GRID2: variants seen among roughly 807,000 people sequenced by gnomAD.
The protein encoded by GRID2 is glutamate receptor ionotropic, delta-2.
GRID2 carries 33 observed loss-of-function variants against 114.8 expected under a neutral mutation model. The ratio of observed to expected loss-of-function variants is 0.29; its 90% confidence interval spans 0.22 to 0.38. The LOEUF (loss-of-function observed/expected upper bound fraction) is 0.38. Among genes scored for constraint, GRID2 ranks in the 10% least tolerant of loss-of-function variants. The pLI, the probability that GRID2 is intolerant of heterozygous loss-of-function variation, is 1.00. For missense variants in GRID2, 1,184 were observed against 1,257.7 expected (o/e 0.94, Z 0.89); for synonymous variants, 505 against 449.9 (o/e 1.12, Z -1.55).
chr4:93,005,379 T>C, intron 2 of GRID2, among the ~76,000 whole-genome samples: 1 of 152,044 alleles, frequency 6.6e-6, no homozygotes, highest in East Asian at 1.9e-4. Context: ...CCACTGTGAA[T>C]CCTGCTACTG....
At chr4:92,368,379 T>A (rs1728970099) in intron 1 of GRID2, among the ~76,000 whole-genome samples, 1 of 152,112 alleles carries the variant, frequency 6.6e-6, no homozygotes, top group Non-Finnish European at 1.5e-5. Context: ...GATGGGCCTT[T>A]ATTTTTAATA....
chr4:92,732,723 G>A (rs1410938145), intron 2 of GRID2, among the ~76,000 whole-genome samples: 1 of 151,990 alleles, frequency 6.6e-6, no homozygotes, highest in Non-Finnish European at 1.5e-5. Context: ...TCATCTATCT[G>A]TCTATCTTTC....
chr4:93,264,279 T>C (rs1750560827), intron 8 of GRID2, among the ~76,000 whole-genome samples: 1 of 152,164 alleles, frequency 6.6e-6, no homozygotes, highest in African/African-American at 2.4e-5. Context: ...CAACAGGTAA[T>C]TTATAAGCAA....
intron 11 of GRID2, among the ~76,000 whole-genome samples, chr4:93,459,509 T>A (rs900807777): frequency 6.6e-6 from 1 of 152,146 alleles, no homozygotes; most frequent in Non-Finnish European, 1.5e-5. Flanking sequence ...GTGTCAAAGT[T>A]GTGAATAAAT....
intron 1 of GRID2, among the ~76,000 whole-genome samples, chr4:92,583,630 T>C (rs1728280583): frequency 6.8e-6 from 1 of 147,032 alleles, no homozygotes; most frequent in African/African-American, 2.7e-5. Context: ...ATCAACTTAA[T>C]TAATATTTCC....
chr4:92,560,795 C>T (rs35177691), intron 1 of GRID2, among the ~76,000 whole-genome samples: 32,403 of 152,032 alleles, frequency 0.21, 3,794 homozygotes, highest in South Asian at 0.29. Context: ...CAACCTCCAC[C>T]TCCCGGGTAC....
chr4:93,762,819 A>C (rs1395377862), intron 14 of GRID2, among the ~76,000 whole-genome samples: 2 of 152,104 alleles, frequency 1.3e-5, no homozygotes, highest in African/African-American at 2.4e-5. Context: ...TGTGCCTCGC[A>C]TGCGGGGTTA....
intron 8 of GRID2, among the ~76,000 whole-genome samples, chr4:93,261,320 C>G: frequency 6.6e-6 from 1 of 151,822 alleles, no homozygotes; most frequent in East Asian, 1.9e-4. Flanking sequence ...TAGGAACTGT[C>G]AAAAGACATA....
At chr4:93,704,897 A>G (rs945523818) in intron 14 of GRID2, among the ~76,000 whole-genome samples, 2 of 152,190 alleles carry the variant, frequency 1.3e-5, no homozygotes, top group African/African-American at 4.8e-5. Context: ...TATTGTGGCT[A>G]GTGCTGCAAT....
At chr4:93,381,616 CT>C (rs780686468) in intron 8 of GRID2, among the ~76,000 whole-genome samples, 44 of 152,052 alleles carry the variant, frequency 2.9e-4, no homozygotes, top group Non-Finnish European at 7.4e-5. Flanking sequence ...TTATAACACT[CT>C]TATTTAGATT....
chr4:92,803,126 A>G (rs921777490), intron 2 of GRID2, among the ~76,000 whole-genome samples: 1 of 151,832 alleles, frequency 6.6e-6, no homozygotes, highest in Non-Finnish European at 1.5e-5. Context: ...TTTGGTGCTA[A>G]TTTCCTCTTA....
chr4:93,479,250 G>A (rs1400281870), intron 11 of GRID2, among the ~76,000 whole-genome samples: 2 of 152,038 alleles, frequency 1.3e-5, no homozygotes, highest in Non-Finnish European at 2.9e-5. Context: ...CATGAAGTAA[G>A]CATGTACTGC....
intron 2 of GRID2, among the ~76,000 whole-genome samples, chr4:92,736,566 T>A (rs182302587): frequency 3.0e-4 from 46 of 152,182 alleles, no homozygotes; most frequent in Middle Eastern, 6.8e-3. Flanking sequence ...CCTAACCAAA[T>A]ACAAAAATAT....
At chr4:92,780,414 C>T (rs910012892) in intron 2 of GRID2, among the ~76,000 whole-genome samples, 8 of 152,092 alleles carry the variant, frequency 5.3e-5, no homozygotes, top group African/African-American at 1.9e-4. Flanking sequence ...TCTTAAGATT[C>T]ATTCTCAAAT....
intron 8 of GRID2, among the ~76,000 whole-genome samples, chr4:93,282,223 A>G (rs1233202129): frequency 2.6e-5 from 4 of 152,066 alleles, no homozygotes; most frequent in Non-Finnish European, 5.9e-5. Flanking sequence ...TCTTTGCTTT[A>G]AAAAATCTTG....
intron 2 of GRID2, among the ~76,000 whole-genome samples, chr4:93,036,956 G>T (rs1030135876): frequency 6.6e-6 from 1 of 152,090 alleles, no homozygotes; most frequent in African/African-American, 2.4e-5. Flanking sequence ...AAGAATTCAC[G>T]TTAGGAAAGG....
At chr4:93,621,088 C>T (rs1420042203) in intron 13 of GRID2, among the ~76,000 whole-genome samples, 1 of 152,048 alleles carries the variant, frequency 6.6e-6, no homozygotes, top group Non-Finnish European at 1.5e-5. Flanking sequence ...TAGACTTAAC[C>T]TTCAGGATTT....
chr4:92,853,379 T>C (rs929964160), intron 2 of GRID2, among the ~76,000 whole-genome samples: 2 of 152,064 alleles, frequency 1.3e-5, no homozygotes, highest in African/African-American at 4.8e-5. Flanking sequence ...GAGAGGTATT[T>C]CCTTTGTATG....
chr4:92,935,586 G>A (rs576704230), intron 2 of GRID2, among the ~76,000 whole-genome samples: 14 of 146,544 alleles, frequency 9.6e-5, no homozygotes, highest in African/African-American at 3.4e-4. Flanking sequence ...ACACACACAC[G>A]TATGTTTATT....
Sources: gnomAD v4.1 joint callset for allele counts (sites outside exome capture counted in the v4.1 genomes callset) on GRCh38, gnomAD v4.1.1 for gene constraint, MANE v1.5 for transcripts, NCBI Gene and HGNC (gene_info 2026-07-23, HGNC 2026-07-21) for gene names.